Variants in SPART observed in about 807,000 individuals in gnomAD.
SPART encodes spartin.
Under a neutral mutation model 58.7 loss-of-function variants are expected in SPART, and 35 were observed. The observed-to-expected ratio is 0.60, with a 90% CI of 0.46 to 0.79. SPART has a LOEUF of 0.79. SPART is among the 30% of genes least tolerant of loss of function. SPART has a pLI of 0.00. For synonymous variants in SPART, 284 were observed against 280.7 expected (o/e 1.01, Z -0.12); for missense variants, 730 against 786.1 (o/e 0.93, Z 0.85).
chr13:36,346,797 G>A (rs1264541384), upstream of SPART: 1 of 152,420 alleles, frequency 6.6e-6, no homozygotes, highest in Non-Finnish European at 1.5e-5. Context: ...CGAGGCCTCC[G>A]GAGAGCCTAG....
chr13:36,332,602 G>C (rs903233909), intron 2 of SPART, among the ~76,000 whole-genome samples: 1 of 152,196 alleles, frequency 6.6e-6, no homozygotes, highest in Non-Finnish European at 1.5e-5. Flanking sequence ...TAACAGAATA[G>C]ATTAAGTTAA....
chr13:36,361,330 C>A (rs1404647855), intron 1 of SPART, among the ~76,000 whole-genome samples: 1 of 152,154 alleles, frequency 6.6e-6, no homozygotes, highest in Non-Finnish European at 1.5e-5. Context: ...ATAAATTTTT[C>A]AAACACAAGC....
At chr13:36,321,057 T>G (rs1882324922) in intron 5 of SPART, among the ~76,000 whole-genome samples, 1 of 152,246 alleles carries the variant, frequency 6.6e-6, no homozygotes, top group Non-Finnish European at 1.5e-5. Context: ...AATTCAGGCC[T>G]GTCCTCGGAA....
At chr13:36,312,556 T>C in intron 6 of SPART, 79 bp from the exon 7 acceptor site, 1 of 1,364,836 alleles carries the variant, frequency 7.3e-7, no homozygotes. Flanking sequence ...TGCAACATTC[T>C]TAAATGAACA....
At chr13:36,355,106 T>G (rs1885571510) in intron 1 of SPART, among the ~76,000 whole-genome samples, 1 of 152,250 alleles carries the variant, frequency 6.6e-6, no homozygotes, top group African/African-American at 2.4e-5. Context: ...GGAGTTGCAG[T>G]GATCTTTAGA....
intron 1 of SPART, among the ~76,000 whole-genome samples, chr13:36,352,492 T>TA (rs1159661509): frequency 6.6e-6 from 1 of 152,032 alleles, no homozygotes; most frequent in African/African-American, 2.4e-5. Context: ...TTTAGGAAAA[T>TA]ACATTGGTAA....
chr13:36,332,048 A>C (rs1269815524), intron 2 of SPART, among the ~76,000 whole-genome samples: 2 of 152,016 alleles, frequency 1.3e-5, no homozygotes, highest in East Asian at 3.8e-4. Flanking sequence ...CTATGAAATC[A>C]GTTACTATTA....
At chr13:36,357,926 C>T in intron 1 of SPART, among the ~76,000 whole-genome samples, 1 of 152,070 alleles carries the variant, frequency 6.6e-6, no homozygotes, top group East Asian at 1.9e-4. Context: ...ACTTTTCTGG[C>T]AATATGAAGG....
At chr13:36,343,036 T>C (rs1028741673) in intron 1 of SPART, among the ~76,000 whole-genome samples, 1 of 152,188 alleles carries the variant, frequency 6.6e-6, no homozygotes, top group African/African-American at 2.4e-5. Flanking sequence ...AAGACCCTCC[T>C]TTAATTTAGG....
intron 1 of SPART, among the ~76,000 whole-genome samples, chr13:36,356,405 A>G (rs1885624679): frequency 6.6e-6 from 1 of 152,206 alleles, no homozygotes; most frequent in Non-Finnish European, 1.5e-5. Context: ...CCCCCACATG[A>G]TAAACATTTT....
At chr13:36,345,216 T>C (rs748118957) in intron 1 of SPART, among the ~76,000 whole-genome samples, 1 of 152,218 alleles carries the variant, frequency 6.6e-6, no homozygotes, top group Non-Finnish European at 1.5e-5. Flanking sequence ...CCGCTCATTC[T>C]AGCTTCTTAG....
At chr13:36,361,467 T>C (rs930833168) in intron 1 of SPART, among the ~76,000 whole-genome samples, 2 of 152,148 alleles carry the variant, frequency 1.3e-5, no homozygotes, top group Non-Finnish European at 2.9e-5. Flanking sequence ...TGCAATGGTG[T>C]GCTCTCAGCT....
chr13:36,321,673 A>G (rs2137418297), intron 5 of SPART, among the ~76,000 whole-genome samples: 1 of 151,898 alleles, frequency 6.6e-6, no homozygotes, highest in Admixed American at 6.6e-5. Flanking sequence ...CCCCCCAAAA[A>G]TTTTTGCTGC....
intron 4 of SPART, among the ~76,000 whole-genome samples, chr13:36,328,488 TCCCATACCA>T (rs1400760484): frequency 6.6e-6 from 1 of 152,172 alleles, no homozygotes; most frequent in Non-Finnish European, 1.5e-5. Flanking sequence ...CCTCACTGCT[TCCCATACCA>T]CTCATCCACC....
upstream of SPART, among the ~76,000 whole-genome samples, chr13:36,349,564 A>G (rs563776634): frequency 1.3e-5 from 2 of 152,344 alleles, no homozygotes; most frequent in Admixed American, 6.5e-5. Flanking sequence ...GAAAAGTGTA[A>G]GCAAAGGATT....
At chr13:36,316,410 T>G (rs1881707653) in intron 5 of SPART, among the ~76,000 whole-genome samples, 1 of 141,166 alleles carries the variant, frequency 7.1e-6, no homozygotes, top group African/African-American at 2.5e-5. Flanking sequence ...AACTGAAGAA[T>G]CACAAAAGTG....
rs539495536 is a variant in SPART at position 36,306,750 on chromosome 13, A to G, written c.1734-2118T>C. Reference sequence around the variant, plus strand: ...CAGTAACAATTCCTATTAATTTGGGAAAAAAAAACAGAATATTCAGAAAAC... The same window carrying G: ...CAGTAACAATTCCTATTAATTTGGGGAAAAAAAACAGAATATTCAGAAAAC... On this transcript the variant is annotated intron_variant, in intron 8 of 8. Transcript: ENST00000438666. Among the ~76,000 whole-genome samples the G allele has an allele frequency of 2.1e-3, 180 of 87,374 alleles. 1 individual carries two copies. In the East Asian group the frequency reaches 0.075, roughly 36 times the overall value. 57.3% of individuals were successfully genotyped at this position (87,374 alleles called of 152,430 possible). A position where few individuals can be genotyped will look rare whatever the true frequency, so the allele number is the denominator to read the frequency against.
intron 5 of SPART, among the ~76,000 whole-genome samples, chr13:36,315,086 G>A (rs550089788): frequency 3.9e-4 from 59 of 152,326 alleles, no homozygotes; most frequent in African/African-American, 1.4e-3. Context: ...GAAGAGTGAG[G>A]CCCAGATAAT....
chr13:36,315,665 C>G (rs1285175106), intron 5 of SPART, among the ~76,000 whole-genome samples: 2 of 152,296 alleles, frequency 1.3e-5, no homozygotes, highest in East Asian at 3.9e-4. Context: ...GATTCAAACC[C>G]AAGCAAACAG....
Sources: gnomAD v4.1 joint callset for allele counts (sites outside exome capture counted in the v4.1 genomes callset) on GRCh38, gnomAD v4.1.1 for gene constraint, MANE v1.5 for transcripts, NCBI Gene and HGNC (gene_info 2026-07-23, HGNC 2026-07-21) for gene names.